The following TRIM14 variants were observed in gnomAD, a reference collection of about 807,000 sequenced individuals.
TRIM14 encodes tripartite motif containing 14.
A neutral mutation model predicts 44.5 loss-of-function variants in TRIM14; 28 were observed. The ratio of observed to expected loss-of-function variants is 0.63; its 90% CI spans 0.47 to 0.86. The LOEUF is 0.86. Ranked by LOEUF, TRIM14 falls within the 40% of genes least tolerant of loss-of-function variation. The pLI, the probability that TRIM14 is intolerant of heterozygous loss-of-function variation, is 0.00. For synonymous variants in TRIM14, 299 were observed against 269.2 expected, an observed-to-expected ratio of 1.11 and a Z score of -1.08; for missense variants, 607 against 611.1, an observed-to-expected ratio of 0.99 and a Z score of 0.07.
chr9:98,053,794 C>T, the TRIM14 span, among the ~76,000 whole-genome samples: 61 of 75,186 alleles, frequency 8.1e-4, 3 homozygotes, highest in East Asian at 0.014. Context: ...GGGGGCCAAG[C>T]CCACTACAAA....
At chr9:98,091,771 AAAAC>A (rs1256737755) in intron 5 of TRIM14, 134 bp downstream of exon 5, 5 of 463,210 alleles carry the variant, frequency 1.1e-5, no homozygotes, top group African/African-American at 2.5e-5. Flanking sequence ...CATTTTTTAA[AAAAC>A]AAGTTCTTAA....
At chr9:98,077,756 T>C (rs1291423528) in intron 6 of TRIM14, among the ~76,000 whole-genome samples, 2 of 152,148 alleles carry the variant, frequency 1.3e-5, no homozygotes, top group Non-Finnish European at 2.9e-5. Flanking sequence ...GCTTGATACT[T>C]ATTTCACAGG....
downstream of TRIM14, chr9:98,080,762 A>G (rs1829816682): frequency 1.3e-6 from 2 of 1,522,392 alleles, no homozygotes; most frequent in Non-Finnish European, 1.8e-6. Context: ...CACCTGGAGA[A>G]TATGCATAAA....
chr9:98,113,138 GAA>G (rs1356928733), intron 1 of TRIM14, among the ~76,000 whole-genome samples: 26 of 101,224 alleles, frequency 2.6e-4, no homozygotes, highest in African/African-American at 1.0e-3. Context: ...AAAAAAAAAA[GAA>G]GGAATTTTTT....
the TRIM14 span, chr9:98,056,901 C>A: frequency 6.2e-7 from 1 of 1,610,602 alleles, no homozygotes; most frequent in Non-Finnish European, 8.5e-7. Context: ...ACCACCAGGG[C>A]GACCTGGACG....
intron 3 of TRIM14, among the ~76,000 whole-genome samples, chr9:98,096,324 G>A (rs921142508): frequency 6.6e-6 from 1 of 152,162 alleles, no homozygotes; most frequent in African/African-American, 2.4e-5. Flanking sequence ...CACACCCAGA[G>A]CGCTGGAATG....
chr9:98,048,064 C>CAAAAAAA, the TRIM14 span, among the ~76,000 whole-genome samples: 1 of 107,536 alleles, frequency 9.3e-6, no homozygotes, highest in African/African-American at 2.9e-5. Flanking sequence ...GACTCCTTCT[C>CAAAAAAA]AAAAAAAAAA....
chr9:98,105,500 G>A (rs1267437078), intron 2 of TRIM14, among the ~76,000 whole-genome samples: 1 of 152,158 alleles, frequency 6.6e-6, no homozygotes, highest in African/African-American at 2.4e-5. Flanking sequence ...AATTGCTTGA[G>A]CCCAGGAGGC....
intron 2 of TRIM14, among the ~76,000 whole-genome samples, chr9:98,101,626 G>T (rs1826396051): frequency 6.6e-6 from 1 of 151,944 alleles, no homozygotes; most frequent in Non-Finnish European, 1.5e-5. Flanking sequence ...GTCACTGTTG[G>T]CCAGGCTGGG....
Position 98,109,813 on chromosome 9 carries a change from T to TC in TRIM14, c.303+75dup, listed in dbSNP as rs1056514655. ...GCAGTTGGTTTTTATTTTCATTGGC[T>TC]CCATATTGGGGGTCCCTTTTGTCTG... On this transcript the variant is annotated intron_variant, in intron 2 of 5. Coordinates refer to ENST00000341469, the MANE Select transcript of TRIM14 (RefSeq NM_014788.4). The TC allele has an allele frequency of 5.0e-6, 6 of 1,200,600 alleles. No individual in the cohort carries two copies. The African/African-American group carries it at 7.7e-5, about 15-fold the overall frequency. The allele number at this position is 1,200,600 out of a possible 1,614,324, so 74.4% of individuals were successfully genotyped here.
rs1462832549 is a variant in TRIM14, at chr9:98,100,030, T to C, written c.438A>G (p.Glu146=). 6.2e-7 allele frequency: 1 copy of C among 1,614,064 alleles called. No homozygotes were observed. Among genetic ancestry groups the C allele is most frequent in the African/African-American group, 1.3e-5 (1 of 74,912 alleles). The change falls in exon 3 of 6, where the codon GAA becomes GAG. Residue 146 remains glutamate (E), a synonymous_variant. Coordinates refer to ENST00000341469, the MANE Select transcript of TRIM14 (RefSeq NM_014788.4). ...NTQLTLQVYR[E]QADSCREQLD... ...GTTGCTCTCTGCAAGAGTCAGCTTG[T>C]TCCCTGTACACCTGGAGGGTAAGCT...
rs1158401891 is a variant in TRIM14, at chr9:98,085,780, C to T, written c.*1690G>A. The T allele has an allele frequency of 1.3e-5, 2 of 152,152 alleles. No individual in the cohort carries two copies. The highest frequency in any genetic ancestry group is 2.9e-5 in the Non-Finnish European group (2 of 68,040). The allele number at this position is 152,152 out of a possible 1,614,324, so 9.4% of individuals were successfully genotyped here. On this transcript the variant is annotated 3_prime_UTR_variant, in exon 6 of 6. Coordinates refer to ENST00000341469, the MANE Select transcript of TRIM14 (RefSeq NM_014788.4). The stretch of plus-strand genomic sequence containing the variant: ...CTACATTGTCTCATATCAAAAGTGC[C>T]ATTTTTAACTCAAAAACTATTGAAA...
intron 5 of TRIM14, among the ~76,000 whole-genome samples, chr9:98,088,595 ATCTACTTG>A (rs1234409338): frequency 1.3e-5 from 2 of 152,170 alleles, no homozygotes; most frequent in African/African-American, 4.8e-5. Flanking sequence ...AAATTGATTG[ATCTACTTG>A]TGAGGCATTT....
intron 1 of TRIM14, among the ~76,000 whole-genome samples, chr9:98,111,773 T>C (rs968586570): frequency 6.6e-6 from 1 of 152,040 alleles, no homozygotes; most frequent in African/African-American, 2.4e-5. Flanking sequence ...ACCCCGTCTC[T>C]ACTACAAATA....
At chr9:98,056,844 G>A in the TRIM14 span, 1 of 1,612,132 alleles carries the variant, frequency 6.2e-7, no homozygotes, top group East Asian at 2.2e-5. Context: ...CCGGGCGCTG[G>A]GTGGGCGGGC....
Position 98,119,122 on chromosome 9 carries a change from G to T in TRIM14, c.67C>A (p.Arg23Ser), listed in dbSNP as rs771353576. ...RSELVEGCGW[R>S]CPEHGDRVAE... Reference sequence around the variant, plus strand: ...ACGCGGTCGCCATGCTCCGGGCAGCGCCAGCCGCATCCCTCGACAAGCTCC... The same window carrying T: ...ACGCGGTCGCCATGCTCCGGGCAGCTCCAGCCGCATCCCTCGACAAGCTCC... The change falls in exon 1 of 6, where the codon CGC becomes AGC. Residue 23 changes from arginine to serine, a missense_variant. Arg to Ser is a moderately radical substitution (Grantham distance 110). Around this residue, in one of 3 missense-constraint regions of TRIM14, gnomAD observed 246 missense variants for 270.8 expected, o/e 0.91. Coordinates refer to ENST00000341469, the MANE Select transcript of TRIM14 (RefSeq NM_014788.4). The T allele has an allele frequency of 1.3e-6, 2 of 1,586,328 alleles. No homozygotes were observed. Among genetic ancestry groups the T allele is most frequent in the African/African-American group, 2.8e-5 (2 of 72,688 alleles).
chr9:98,072,066 A>G (rs1829359427), intron 6 of TRIM14, among the ~76,000 whole-genome samples: 1 of 152,032 alleles, frequency 6.6e-6, no homozygotes, highest in African/African-American at 2.4e-5. Flanking sequence ...GGTGTCTGTG[A>G]TGGGTGTTTT....
chr9:98,100,580 TA>T (rs547241850), intron 2 of TRIM14, among the ~76,000 whole-genome samples: 43 of 152,196 alleles, frequency 2.8e-4, no homozygotes, highest in African/African-American at 1.0e-3. Flanking sequence ...AAAATTGCTT[TA>T]AAAAAATCAA....
At chr9:98,104,229 G>A (rs1172491154) in intron 2 of TRIM14, among the ~76,000 whole-genome samples, 2 of 152,194 alleles carry the variant, frequency 1.3e-5, no homozygotes, top group Admixed American at 1.3e-4. Flanking sequence ...ATGATCAAAT[G>A]AAGAAAATAA....
Sources: gnomAD v4.1 joint callset for allele counts (sites outside exome capture counted in the v4.1 genomes callset) on GRCh38, gnomAD v4.1.1 for gene constraint, gnomAD v4.1.1 regional missense constraint, MANE v1.5 for transcripts, NCBI Gene and HGNC (gene_info 2026-07-23, HGNC 2026-07-21) for gene names.